The following RNF40 variants were observed in gnomAD, a reference collection of about 807,000 sequenced individuals.
RNF40 encodes E3 ubiquitin-protein ligase BRE1B.
Under a neutral mutation model 123.3 loss-of-function variants are expected in RNF40, and 39 were observed. That is an observed-to-expected ratio of 0.32 (90% CI 0.24 to 0.41). RNF40 has a LOEUF of 0.41. Among genes scored for constraint, RNF40 ranks in the 10% least tolerant of loss-of-function variants. The probability of loss-of-function intolerance (pLI) is 1.00; values close to 1 mark genes in which losing one functional copy is unlikely to be tolerated. For synonymous variants in RNF40, 538 were observed against 526.0 expected, an observed-to-expected ratio of 1.02 and a Z score of -0.31; for missense variants, 1,003 against 1,319.9, an observed-to-expected ratio of 0.76 and a Z score of 3.72.
intron 17 of RNF40, 22 bp from the exon 18 acceptor site, chr16:30,771,811 C>T: frequency 2.6e-6 from 4 of 1,537,004 alleles, no homozygotes; most frequent in Non-Finnish European, 3.5e-6. Flanking sequence ...CCAGTGCCTC[C>T]TTCCTGTTCC....
rs1490484308 is a variant in RNF40 at position 30,774,134 on chromosome 16, C to CTGGAACACCA, written c.*25_*34dup. ...AGCTGAACCTGAAACTCAGGGGACT[C>CTGGAACACCA]TGGAACACCATGGACCCTGGGGGCT... On this transcript the variant is annotated 3_prime_UTR_variant, in exon 20 of 20. Coordinates refer to ENST00000324685, the MANE Select transcript of RNF40 (RefSeq NM_014771.4). The CTGGAACACCA allele has an allele frequency of 6.2e-7, 1 of 1,605,176 alleles. No individual in the cohort carries two copies.
At chr16:30,761,819 G>T (rs958677619), upstream of RNF40, 22 of 1,390,402 alleles carry the variant, frequency 1.6e-5, no homozygotes, top group Non-Finnish European at 2.0e-5. Context: ...CCAGCGCTCG[G>T]TCGGCGGCTA....
chr16:30,773,901 A>G (rs777957606), intron 19 of RNF40, 37 bp from the exon 20 acceptor site: 4 of 1,587,526 alleles, frequency 2.5e-6, no homozygotes, highest in Non-Finnish European at 3.4e-6. Context: ...GGGCACTGTC[A>G]GAGTTGTTCC....
Position 30,765,560 on chromosome 16 carries a change from T to A in RNF40, c.993+61T>A, listed in dbSNP as rs1596747910. 3.4e-6 allele frequency: 5 copies of A among 1,475,902 alleles called. No individual in the cohort carries two copies. In the East Asian group the frequency reaches 1.2e-4, roughly 34 times the overall value. 91.4% of individuals were successfully genotyped at this position (1,475,902 alleles called of 1,614,324 possible). On this transcript the variant is annotated intron_variant, in intron 8 of 19. Transcript: ENST00000324685. ...CTCTTCTCTGTTGCACTCTTGAAAT[T>A]CCCCTCAGGACAAAGGACAAACATC...
In RNF40 at chr16:30,769,183, C is replaced by T. The variant is rs2054101319; in HGVS notation, c.2248-3C>T. The T allele has an allele frequency of 1.2e-6, 2 of 1,614,000 alleles. No homozygotes were observed. Among genetic ancestry groups the T allele is most frequent in the Non-Finnish European group, 1.7e-6 (2 of 1,179,896 alleles). On this transcript the variant is annotated splice_region_variant and splice_polypyrimidine_tract_variant and intron_variant, in intron 15 of 19. Transcript: ENST00000324685. ...CCATCTTGTCTCTGCCCACTTGCTG[C>T]AGGAGGAGGAGGCTCTGCTCTCAGA...
Position 30,766,665 on chromosome 16 carries a change from A to G in RNF40, c.1294-76A>G. 1 of 1,596,446 alleles carries G rather than the reference A, an allele frequency of 6.3e-7. No individual in the cohort carries two copies. The highest frequency in any genetic ancestry group is 8.6e-7 in the Non-Finnish European group (1 of 1,169,452). The stretch of plus-strand genomic sequence containing the variant: ...TGTGCCAGCCAGGGGTCCCTGGGGA[A>G]TAGATTCTTCCTAAGATACTGAGTC... On this transcript the variant is annotated intron_variant, in intron 10 of 19. Coordinates refer to ENST00000324685, the MANE Select transcript of RNF40 (RefSeq NM_014771.4). The surrounding 1 kb of genome is among the most constrained non-coding windows in gnomAD (Gnocchi z 5.4).
At position 30,766,706 on chromosome 16, in the gene RNF40, G is replaced by A. The variant is rs749717289; in HGVS notation, c.1294-35G>A. 2 of 1,612,818 alleles carry A rather than the reference G, an allele frequency of 1.2e-6. No individual in the cohort carries two copies. The highest frequency in any genetic ancestry group is 1.7e-5 in the Admixed American group (1 of 59,970). ...ATACTGAGTCCTGAGGTGGGACCGA[G>A]GGGCTGTGTGGGTCCTTAACACATC... is the stretch of plus-strand genomic sequence containing the variant. On this transcript the variant is annotated intron_variant, in intron 10 of 19. Coordinates refer to ENST00000324685, the MANE Select transcript of RNF40 (RefSeq NM_014771.4). The surrounding 1 kb of genome is among the most constrained non-coding windows in gnomAD (Gnocchi z 5.4).
intron 5 of RNF40, 95 bp downstream of exon 5, chr16:30,764,480 C>G (rs137876043): frequency 9.0e-6 from 10 of 1,108,454 alleles, no homozygotes; most frequent in African/African-American, 1.6e-5. Flanking sequence ...AGTCCAAGGG[C>G]GGCCAGAATT....
At chr16:30,763,961 G>A (rs1451253758) in intron 4 of RNF40, among the ~76,000 whole-genome samples, 1 of 152,198 alleles carries the variant, frequency 6.6e-6, no homozygotes, top group Non-Finnish European at 1.5e-5. Flanking sequence ...AGTACAGGAA[G>A]CTTCCCTGAG....
chr16:30,769,506 TAGA>T lies in RNF40; in HGVS notation c.2493_2495del (p.Glu833del). The T allele has an allele frequency of 6.2e-7, 1 of 1,613,820 alleles. No individual in the cohort carries two copies. Among genetic ancestry groups the T allele is most frequent in the Non-Finnish European group, 8.5e-7 (1 of 1,179,858 alleles). ...GCCCAGCTGCTGACTGTGCAGAAGC[TAGA>T]GGAGAAGGAGCGAGCCTTGCAGGGC... On this transcript the variant is annotated inframe_deletion, in exon 17 of 20. Transcript: ENST00000324685.
chr16:30,766,799 C>T lies in RNF40; in HGVS notation c.1352C>T (p.Thr451Met), dbSNP rs370050962. ...LRTEVIQLED[T>M]LAQVRKEYEM... is the part of the protein sequence containing the mutation. ...ACAGAGGTCATTCAGCTGGAGGACA[C>T]GCTGGCCCAGGTACGCAAGGAGTAT... The change falls in exon 11 of 20, where the codon ACG (threonine) becomes ATG (methionine). Residue 451 changes from threonine (T) to methionine (M), a missense_variant. By Grantham distance (81) the Thr-to-Met change is moderately conservative (BLOSUM62 -1). Transcript: ENST00000324685. The surrounding 1 kb of genome is among the most constrained non-coding windows in gnomAD (Gnocchi z 5.4). 21 of 1,613,906 alleles carry T rather than the reference C, an allele frequency of 1.3e-5. No homozygotes were observed. The highest frequency in any genetic ancestry group is 4.0e-5 in the African/African-American group (3 of 74,918).
intron 17 of RNF40, 118 bp from the exon 18 acceptor site, chr16:30,771,715 A>C: frequency 8.7e-7 from 1 of 1,150,800 alleles, no homozygotes. Flanking sequence ...AGGAGGCAGG[A>C]GCAGCTCCAG....
intron 8 of RNF40, 135 bp downstream of exon 8, chr16:30,765,634 A>G (rs1232573090): frequency 4.0e-6 from 3 of 756,294 alleles, no homozygotes; most frequent in Non-Finnish European, 6.5e-6. Flanking sequence ...TTTTTCATGC[A>G]TTCATATACT....
intron 5 of RNF40, among the ~76,000 whole-genome samples, chr16:30,764,632 C>T (rs570318804): frequency 1.3e-5 from 2 of 152,168 alleles, no homozygotes; most frequent in African/African-American, 4.8e-5. Flanking sequence ...GGCCAGAGGC[C>T]CCTCTGGAGC....
In RNF40 at chr16:30,764,355, G is replaced by A; in HGVS notation, c.619G>A (p.Glu207Lys). The stretch of plus-strand genomic sequence containing the variant: ...CTCAGACCGCCTACAGCGCCGGGTG[G>A]AGGAACTCTGTCAGCGAGTGTACAG... ...EASDRLQRRV[E>K]ELCQRVYSRG... The change falls in exon 5 of 20, where the codon GAG (glutamate) becomes AAG (lysine). Residue 207 changes from glutamate (E) to lysine (K), a missense_variant. Physicochemically the swap from Glu to Lys is moderately conservative, Grantham distance 56. Transcript: ENST00000324685. 6.2e-7 allele frequency: 1 copy of A among 1,613,574 alleles called. No individual in the cohort carries two copies.
At chr16:30,763,096 G>C (rs1437781327) in intron 2 of RNF40, 22 bp from the exon 3 acceptor site, 1 of 1,612,798 alleles carries the variant, frequency 6.2e-7, no homozygotes, top group South Asian at 1.1e-5. Flanking sequence ...GCTCTCGTCG[G>C]CCCCTTTGTT....
chr16:30,774,543 C>G lies in RNF40; in HGVS notation c.*429C>G, dbSNP rs946178609. The G allele has an allele frequency of 4.5e-6, 1 of 222,192 alleles. No individual in the cohort carries two copies. The highest frequency in any genetic ancestry group is 5.2e-5 in the Admixed American group (1 of 19,170). 13.8% of individuals were successfully genotyped at this position (222,192 alleles called of 1,614,324 possible). ...GGACCAGTGAGCCATGTCCTTGTTCCTTGTTTGAGACTGGGCTGCAGGCCC... is the reference window on the plus strand; with the variant it reads ...GGACCAGTGAGCCATGTCCTTGTTCGTTGTTTGAGACTGGGCTGCAGGCCC... On this transcript the variant is annotated 3_prime_UTR_variant, in exon 20 of 20. Transcript: ENST00000324685.
intron 17 of RNF40, among the ~76,000 whole-genome samples, chr16:30,771,531 G>A (rs1403986871): frequency 6.6e-6 from 1 of 152,048 alleles, no homozygotes; most frequent in Non-Finnish European, 1.5e-5. Flanking sequence ...GCAGGAGAAT[G>A]GTGTGAACCC....
chr16:30,768,493 G>A lies in RNF40; in HGVS notation c.1942G>A (p.Glu648Lys). ...KAKVEETKRK[E>K]SELLKGLRAE... ...CAAGGTGGAAGAAACCAAGCGGAAG[G>A]AATCAGAACTCCTCAAGGGTCTCCG... The change falls in exon 13 of 20, where the codon GAA becomes AAA. Residue 648 changes from glutamate to lysine, a missense_variant. Physicochemically the swap from Glu to Lys is moderately conservative, Grantham distance 56. Transcript: ENST00000324685. The surrounding 1 kb of genome is among the most constrained non-coding windows in gnomAD (Gnocchi z 4.1). The A allele has an allele frequency of 6.2e-7, 1 of 1,609,702 alleles. No homozygotes were observed. Among genetic ancestry groups the A allele is most frequent in the South Asian group, 1.1e-5 (1 of 90,746 alleles).
Sources: allele counts gnomAD v4.1 joint callset (sites outside exome capture counted in the v4.1 genomes callset), GRCh38; gene constraint gnomAD v4.1.1; non-coding constraint Gnocchi (gnomAD v3.1); transcripts MANE v1.5; gene names NCBI Gene and HGNC (gene_info 2026-07-23, HGNC 2026-07-21).